Variants in SCNN1B observed in about 807,000 individuals in gnomAD.
SCNN1B encodes the protein epithelial sodium channel subunit beta.
SCNN1B carries 46 observed loss-of-function variants against 65.3 expected under a neutral mutation model. That is an observed-to-expected ratio of 0.70 (90% CI 0.56 to 0.90). The LOEUF (loss-of-function observed/expected upper bound fraction) is 0.90. Among genes scored for constraint, SCNN1B ranks in the 40% least tolerant of loss-of-function variants. SCNN1B has a pLI of 0.00. For synonymous variants in SCNN1B, 349 were observed against 330.6 expected (o/e 1.06, Z -0.60); for missense variants, 751 against 830.5 (o/e 0.90, Z 1.18).
intron 10 of SCNN1B, 120 bp downstream of exon 10, chr16:23,377,506 CTTCT>C: frequency 1.2e-6 from 1 of 828,008 alleles, no homozygotes; most frequent in African/African-American, 1.7e-5. Context: ...TCCTTCCTTC[CTTCT>C]CTGTTTCCCT....
intron 4 of SCNN1B, among the ~76,000 whole-genome samples, chr16:23,357,014 G>A (rs1195760940): frequency 6.6e-6 from 1 of 152,218 alleles, no homozygotes; most frequent in African/African-American, 2.4e-5. Context: ...CTCCAGGTGT[G>A]GGGTATGCCA....
At chr16:23,379,744 A>G (rs1350326750) in intron 11 of SCNN1B, among the ~76,000 whole-genome samples, 1 of 152,166 alleles carries the variant, frequency 6.6e-6, no homozygotes, top group African/African-American at 2.4e-5. Context: ...CCCAGGCCAG[A>G]GTGTCCTGTA....
At chr16:23,305,564 A>AAATAT (rs1961191059) in intron 1 of SCNN1B, among the ~76,000 whole-genome samples, 4 of 41,338 alleles carry the variant, frequency 9.7e-5, no homozygotes, top group African/African-American at 6.3e-4. Context: ...ATATATATAT[A>AAATAT]TATATATATA....
At chr16:23,304,322 C>T (rs1174094332) in intron 1 of SCNN1B, among the ~76,000 whole-genome samples, 2 of 145,822 alleles carry the variant, frequency 1.4e-5, no homozygotes, top group Non-Finnish European at 3.1e-5. Flanking sequence ...GGCACACATA[C>T]ATGAGACATA....
At chr16:23,282,673 C>T (rs1339140371) in intron 1 of SCNN1B, among the ~76,000 whole-genome samples, 2 of 152,204 alleles carry the variant, frequency 1.3e-5, no homozygotes, top group Non-Finnish European at 2.9e-5. Context: ...CCATAAGACA[C>T]ACCCACTAGT....
At chr16:23,368,616 A>G (rs1232462460) in intron 5 of SCNN1B, among the ~76,000 whole-genome samples, 2 of 152,196 alleles carry the variant, frequency 1.3e-5, no homozygotes, top group Non-Finnish European at 2.9e-5. Context: ...AGCATTTAGT[A>G]TAGTAAATCG....
At chr16:23,350,790 G>T (rs961512619) in intron 2 of SCNN1B, among the ~76,000 whole-genome samples, 4 of 152,134 alleles carry the variant, frequency 2.6e-5, no homozygotes, top group African/African-American at 9.7e-5. Context: ...GCACATGCCT[G>T]TAAACCCAGC....
At chr16:23,341,765 A>G (rs1392166455) in intron 1 of SCNN1B, among the ~76,000 whole-genome samples, 1 of 152,184 alleles carries the variant, frequency 6.6e-6, no homozygotes, top group African/African-American at 2.4e-5. Context: ...GCAAATTGAA[A>G]CCAACGTAAG....
At chr16:23,321,826 C>T (rs1961594961) in intron 1 of SCNN1B, among the ~76,000 whole-genome samples, 1 of 152,094 alleles carries the variant, frequency 6.6e-6, no homozygotes, top group African/African-American at 2.4e-5. Context: ...AGTTTGAGAT[C>T]ACCCTAGACA....
At chr16:23,300,945 T>C (rs972252896), upstream of SCNN1B, among the ~76,000 whole-genome samples, 1 of 152,088 alleles carries the variant, frequency 6.6e-6, no homozygotes, top group Non-Finnish European at 1.5e-5. Context: ...GTTTCTCATA[T>C]GGAAAGTATC....
chr16:23,301,366 A>AAAAAAG (rs796515589), upstream of SCNN1B, among the ~76,000 whole-genome samples: 3 of 146,764 alleles, frequency 2.0e-5, no homozygotes, highest in African/African-American at 5.5e-5. Context: ...TGTCAAAAAA[A>AAAAAAG]AAAGAAAGAA....
chr16:23,324,126 C>G (rs1961644077), intron 1 of SCNN1B, among the ~76,000 whole-genome samples: 1 of 151,984 alleles, frequency 6.6e-6, no homozygotes, highest in Non-Finnish European at 1.5e-5. Flanking sequence ...GATCACACAG[C>G]CACCCAGCCA....
intron 1 of SCNN1B, among the ~76,000 whole-genome samples, chr16:23,281,940 C>T (rs1960790102): frequency 6.6e-6 from 1 of 152,038 alleles, no homozygotes; most frequent in African/African-American, 2.4e-5. Flanking sequence ...GCCTGTAATC[C>T]CAGCACTTTG....
intron 1 of SCNN1B, among the ~76,000 whole-genome samples, chr16:23,305,656 A>C (rs1961202080): frequency 7.0e-6 from 1 of 143,744 alleles, no homozygotes; most frequent in African/African-American, 2.5e-5. Context: ...CTGAGGTGAG[A>C]GGCTCCCCTG....
chr16:23,323,613 G>C, intron 1 of SCNN1B: 2 of 702,990 alleles, frequency 2.8e-6, no homozygotes. Context: ...CAGTGAGTAA[G>C]TGACCCAACT....
At chr16:23,297,055 T>G (rs1047289830) in intron 2 of SCNN1B, among the ~76,000 whole-genome samples, 3 of 150,432 alleles carry the variant, frequency 2.0e-5, no homozygotes, top group Non-Finnish European at 4.4e-5. Flanking sequence ...CTTTGATCAA[T>G]GGAATAAGGA....
intron 1 of SCNN1B, among the ~76,000 whole-genome samples, chr16:23,307,599 C>T (rs1961248050): frequency 6.6e-6 from 1 of 152,142 alleles, no homozygotes; most frequent in African/African-American, 2.4e-5. Context: ...GGATTACAGG[C>T]ATGAGCCGCT....
At chr16:23,282,067 A>G (rs185937385) in intron 1 of SCNN1B, among the ~76,000 whole-genome samples, 1 of 152,080 alleles carries the variant, frequency 6.6e-6, no homozygotes, top group Admixed American at 6.6e-5. Flanking sequence ...GGAGACTCCA[A>G]AAGGTGGGAG....
chr16:23,369,577 G>A (rs1962741523), intron 5 of SCNN1B, among the ~76,000 whole-genome samples: 3 of 152,032 alleles, frequency 2.0e-5, no homozygotes, highest in Non-Finnish European at 4.4e-5. Context: ...AGGTGGGAGT[G>A]GATCCCTCCT....
Sources: allele counts gnomAD v4.1 joint callset (sites outside exome capture counted in the v4.1 genomes callset), GRCh38; gene constraint gnomAD v4.1.1; transcripts MANE v1.5; gene names NCBI Gene and HGNC (gene_info 2026-07-23, HGNC 2026-07-21).